CDAN1: variants seen among roughly 807,000 people sequenced by gnomAD.
CDAN1 encodes the protein codanin 1.
CDAN1 carries 107 observed loss-of-function variants against 139.8 expected under a neutral mutation model. The ratio of observed to expected loss-of-function variants is 0.77; its 90% CI spans 0.65 to 0.90. The LOEUF is 0.90. Ranked by LOEUF, CDAN1 falls within the 40% of genes least tolerant of loss-of-function variation. The pLI is 0.00. For synonymous variants in CDAN1, 776 were observed against 660.6 expected (o/e 1.17, Z -2.68); for missense variants, 1,667 against 1,575.7 (o/e 1.06, Z -0.98).
chr15:42,726,621 G>GAACAGATGGAGGTCAGCT, intron 23 of CDAN1: 1 of 596,458 alleles, frequency 1.7e-6, no homozygotes, highest in Non-Finnish European at 3.0e-6. Flanking sequence ...ACAAAAGAGG[G>GAACAGATGGAGGTCAGCT]AACAGATGGA....
At chr15:42,726,225 G>C in intron 24 of CDAN1, 65 bp from the exon 25 acceptor site, 1 of 1,603,988 alleles carries the variant, frequency 6.2e-7, no homozygotes, top group Admixed American at 1.7e-5. Context: ...TGCGAGAACT[G>C]GCCCTGAGCC....
At chr15:42,727,555 G>GA in intron 23 of CDAN1, 66 bp downstream of exon 23, 1 of 1,412,150 alleles carries the variant, frequency 7.1e-7, no homozygotes, top group Non-Finnish European at 9.4e-7. Flanking sequence ...TGTGAGAAAG[G>GA]AAAAACCAGG....
At position 42,730,161 on chromosome 15, in the gene CDAN1, C is replaced by T. The variant is rs200409387; in HGVS notation, c.2229G>A (p.Leu743=). ...SEGKMCFLNK[L]LLLAVLGWLF... ...GCCAGCCCAGGACAGCAAGTAGCAG[C>T]AGCTTGTTCAGGAAACACATCTTCC... The change falls in exon 15 of 28, where the codon CTG becomes CTA. Residue 743 remains leucine, a synonymous_variant. Transcript: ENST00000356231. 6.2e-7 allele frequency: 1 copy of T among 1,614,208 alleles called. No homozygotes were observed. Among genetic ancestry groups the T allele is most frequent in the African/African-American group, 1.3e-5 (1 of 75,036 alleles).
rs35158439 is a variant in CDAN1, at chr15:42,729,128, T to TG, written c.2542-3dup. 3.7e-6 allele frequency: 6 copies of TG among 1,614,036 alleles called. No individual in the cohort carries two copies. In the African/African-American group the frequency reaches 4.0e-5, roughly 11 times the overall value. On this transcript the variant is annotated splice_polypyrimidine_tract_variant and splice_region_variant and intron_variant, in intron 18 of 27. Coordinates refer to ENST00000356231, the MANE Select transcript of CDAN1 (RefSeq NM_138477.4). ...GAAAAAGGCCTGGGCGAGCTGTGCC[T>TG]GGGGGGAGGAGGGAGAGGCAGCAAG...
In CDAN1 at chr15:42,725,662, G is replaced by T; in HGVS notation, c.3277C>A (p.Gln1093Lys). 6.2e-7 allele frequency: 1 copy of T among 1,614,018 alleles called. No individual in the cohort carries two copies. Among genetic ancestry groups the T allele is most frequent in the Non-Finnish European group, 8.5e-7 (1 of 1,179,992 alleles). The change falls in exon 26 of 28, where the codon CAA becomes AAA. Residue 1093 changes from glutamine to lysine, a missense_variant. Transcript: ENST00000356231. ...GCCGGGGGCCCTAGGATAGGAATTT[G>T]ATCTGCAACTGTGGAAAGAGGAAAG... ...VELASLLVAD[Q>K]IPILGPPAQY...
intron 10 of CDAN1, among the ~76,000 whole-genome samples, 156 bp from the exon 11 acceptor site, chr15:42,731,981 T>C (rs1019046778): frequency 6.6e-6 from 1 of 152,266 alleles, no homozygotes; most frequent in African/African-American, 2.4e-5. Context: ...CAGTATTGTT[T>C]CACAGGTGAA....
At chr15:42,735,475 G>A in intron 4 of CDAN1, 35 bp downstream of exon 4, 1 of 1,612,468 alleles carries the variant, frequency 6.2e-7, no homozygotes, top group Non-Finnish European at 8.5e-7. Context: ...AGTTCTACAA[G>A]TGTCTCCACT....
At chr15:42,736,979 C>T (rs753455615) in intron 1 of CDAN1, 34 bp downstream of exon 1, 2 of 1,532,492 alleles carry the variant, frequency 1.3e-6, no homozygotes, top group South Asian at 2.4e-5. Context: ...GAACCGGCTT[C>T]GAGTCAGACC....
chr15:42,724,963 C>T lies in CDAN1; in HGVS notation c.3558+181G>A, dbSNP rs944368220. 14 of 672,018 alleles carry T rather than the reference C, an allele frequency of 2.1e-5. 1 individual carries two copies. The Middle Eastern group carries it at 1.1e-3, about 52-fold the overall frequency. The allele number at this position is 672,018 out of a possible 1,614,324, so 41.6% of individuals were successfully genotyped here. Reference sequence around the variant, plus strand: ...TCCAACTAACTGCCTGCCTTTCGTCCGTCTTCCCACTAACACAGTCCCTCA... The same window carrying T: ...TCCAACTAACTGCCTGCCTTTCGTCTGTCTTCCCACTAACACAGTCCCTCA... On this transcript the variant is annotated intron_variant, in intron 27 of 27. Coordinates refer to ENST00000356231, the MANE Select transcript of CDAN1 (RefSeq NM_138477.4).
chr15:42,733,315 C>T (rs1199688726), intron 8 of CDAN1, 129 bp from the exon 9 acceptor site: 3 of 772,752 alleles, frequency 3.9e-6, no homozygotes, highest in Non-Finnish European at 6.8e-6. Context: ...GCTCTTGTCA[C>T]TCAGGCTGGA....
rs778999414 is a variant in CDAN1, at chr15:42,729,640, G to T, written c.2353-18C>A. 8 of 1,613,710 alleles carry T rather than the reference G, an allele frequency of 5.0e-6. No homozygotes were observed. Among genetic ancestry groups the T allele is most frequent in the Admixed American group, 3.3e-5 (2 of 59,966 alleles). ...GCATTGTCCTGGGGAGAAAAGGTTGGTGTCAGCAGACTGCCCCTCCCCCAG... is the reference window on the plus strand; with the variant it reads ...GCATTGTCCTGGGGAGAAAAGGTTGTTGTCAGCAGACTGCCCCTCCCCCAG... On this transcript the variant is annotated intron_variant, in intron 16 of 27. Transcript: ENST00000356231.
At position 42,735,180 on chromosome 15, in the gene CDAN1, TAGA is replaced by T. The variant is rs758432366; in HGVS notation, c.1058-5_1058-3del. The T allele has an allele frequency of 4.3e-6, 7 of 1,612,738 alleles. No individual in the cohort carries two copies. The highest frequency in any genetic ancestry group is 4.0e-5 in the African/African-American group (3 of 74,896). ...GGAACAGTGGACTTTCCAGGGAATCTAGAAGGACAGTACCAAGCTGTCAGTTAA... is the reference window on the plus strand; with the variant it reads ...GGAACAGTGGACTTTCCAGGGAATCTAGGACAGTACCAAGCTGTCAGTTAA... On this transcript the variant is annotated splice_region_variant and splice_polypyrimidine_tract_variant and intron_variant, in intron 5 of 27. Coordinates refer to ENST00000356231, the MANE Select transcript of CDAN1 (RefSeq NM_138477.4).
At chr15:42,726,730 G>T (rs768761127) in intron 23 of CDAN1, 6 of 441,500 alleles carry the variant, frequency 1.4e-5, no homozygotes, top group Non-Finnish European at 2.5e-5. Flanking sequence ...TCTTATTCTT[G>T]AAGCATGTAA....
chr15:42,729,021 A>G lies in CDAN1; in HGVS notation c.2645+2T>C, dbSNP rs1595854424. On this transcript the variant is annotated splice_donor_variant, in intron 19 of 27. Coordinates refer to ENST00000356231, the MANE Select transcript of CDAN1 (RefSeq NM_138477.4). LOFTEE classifies it high-confidence loss of function. The stretch of plus-strand genomic sequence containing the variant: ...AGACCAGGATCCTTAACCCACTCTT[A>G]CTTGATATGTTTGACACAGTTTGAT... 1 of 1,613,692 alleles carries G rather than the reference A, an allele frequency of 6.2e-7. No individual in the cohort carries two copies. The highest frequency in any genetic ancestry group is 8.5e-7 in the Non-Finnish European group (1 of 1,179,616).
At chr15:42,729,922 A>ACCGCCCCCCCC in intron 15 of CDAN1, 37 bp from the exon 16 acceptor site, 1 of 1,513,210 alleles carries the variant, frequency 6.6e-7, no homozygotes, top group Non-Finnish European at 9.1e-7. Flanking sequence ...AACTTCAGAG[A>ACCGCCCCCCCC]CCCCCACCCA....
At chr15:42,734,468 T>C in intron 6 of CDAN1, 122 bp from the exon 7 acceptor site, 12 of 1,178,566 alleles carry the variant, frequency 1.0e-5, no homozygotes, top group Non-Finnish European at 1.5e-5. Context: ...AGATATGTAC[T>C]GCAAGGTCAT....
chr15:42,733,608 C>G lies in CDAN1; in HGVS notation c.1367+330G>C, dbSNP rs549717420. Among the ~76,000 whole-genome samples the G allele has an allele frequency of 2.0e-5, 3 of 152,324 alleles. No homozygotes were observed. In the East Asian group the frequency reaches 5.8e-4, roughly 29 times the overall value. ...CATTTTTAAATTTCTCCAGAGTTCT[C>G]TATATGATGACAGTAGTGCTACAGA... On this transcript the variant is annotated intron_variant, in intron 8 of 27. Coordinates refer to ENST00000356231, the MANE Select transcript of CDAN1 (RefSeq NM_138477.4).
At chr15:42,728,619 GGAGAGTGGATC>G in intron 20 of CDAN1, 22 bp downstream of exon 20, 1 of 1,612,912 alleles carries the variant, frequency 6.2e-7, no homozygotes, top group Non-Finnish European at 8.5e-7. Context: ...AAAGCCAAGA[GGAGAGTGGATC>G]AAATGGACCA....
In CDAN1 at chr15:42,735,148, A is replaced by T; in HGVS notation, c.1088T>A (p.Ile363Asn). The T allele has an allele frequency of 6.2e-7, 1 of 1,614,038 alleles. No homozygotes were observed. The highest frequency in any genetic ancestry group is 8.5e-7 in the Non-Finnish European group (1 of 1,179,916). The change falls in exon 6 of 28, where the codon ATC becomes AAC. Residue 363 changes from isoleucine to asparagine, a missense_variant. Physicochemically the swap from Ile to Asn is moderately radical, Grantham distance 149. Transcript: ENST00000356231. ...CACTGCAAAGAAGACACAATCGTGG[A>T]TGCTTTGGAACAGTGGACTTTCCAG... ...DSLESPLFQS[I>N]HDCVFFAVQV... is the part of the protein sequence containing the mutation.
Sources: gnomAD v4.1 joint callset for allele counts (sites outside exome capture counted in the v4.1 genomes callset) on GRCh38, gnomAD v4.1.1 for gene constraint, MANE v1.5 for transcripts, NCBI Gene and HGNC (gene_info 2026-07-23, HGNC 2026-07-21) for gene names.